Variants in DISP3 observed in about 807,000 individuals in gnomAD.
DISP3 encodes the protein dispatched RND transporter family member 3.
Under a neutral mutation model 135.3 loss-of-function variants are expected in DISP3, and 101 were observed. The ratio of observed to expected loss-of-function variants is 0.75; its 90% CI spans 0.64 to 0.88. DISP3 has a LOEUF of 0.88. DISP3 is among the 40% of genes least tolerant of loss of function. The pLI, the probability that DISP3 is intolerant of heterozygous loss-of-function variation, is 0.00. For synonymous variants in DISP3, 856 were observed against 817.0 expected (o/e 1.05, Z -0.81); for missense variants, 1,713 against 1,878.6 (o/e 0.91, Z 1.63).
Position 11,501,858 on chromosome 1 carries a change from T to C in DISP3, c.866T>C (p.Ile289Thr). The part of the protein sequence containing the change: ...FLARGDAERN[I>T]FTSERLVTIH... ...GCGCGCGGCGACGCGGAGCGCAACA[T>C]TTTCACCAGTGAGCGCCTGGTCACG... The change falls in exon 2 of 21, where the codon ATT becomes ACT. Residue 289 changes from isoleucine (I) to threonine (T), a missense_variant. Coordinates refer to ENST00000294484, the MANE Select transcript of DISP3 (RefSeq NM_020780.2). This position sits in a 1 kb window ranked among gnomAD's most constrained non-coding sequence, Gnocchi z 4.9. 1 of 1,612,824 alleles carries C rather than the reference T, an allele frequency of 6.2e-7. No homozygotes were observed. The highest frequency in any genetic ancestry group is 8.5e-7 in the Non-Finnish European group (1 of 1,179,556).
rs140072373 is a variant in DISP3, at chr1:11,534,536, C to A, written c.3531C>A (p.Ile1177=). Residue 1177 remains isoleucine (I), a synonymous_variant, in exon 18 of 21, where the codon ATC becomes ATA. Coordinates refer to ENST00000294484, the MANE Select transcript of DISP3 (RefSeq NM_020780.2). ...CEHWKQIFME[I]VGVQSALCGL... ...ACTGGAAGCAGATATTCATGGAAAT[C>A]GTAGGCAAGCGGCAGCCTCGCCCCT... 21 of 1,603,470 alleles carry A rather than the reference C, an allele frequency of 1.3e-5. No individual in the cohort carries two copies. The highest frequency in any genetic ancestry group is 2.6e-6 in the Non-Finnish European group (3 of 1,173,584).
Position 11,531,090 on chromosome 1 carries a change from C to A in DISP3, c.3229+57C>A. ...AGGGAGGATGGACTGACTGGGGAGG[C>A]ACAGAGGCCGTGGTCCAAGGTAGAC... On this transcript the variant is annotated intron_variant, in intron 16 of 20. Transcript: ENST00000294484. The surrounding 1 kb of genome is among the most constrained non-coding windows in gnomAD (Gnocchi z 5.2). 4 of 1,602,690 alleles carry A rather than the reference C, an allele frequency of 2.5e-6. No individual in the cohort carries two copies. Among genetic ancestry groups the A allele is most frequent in the Middle Eastern group, 3.7e-4 (2 of 5,388 alleles).
intron 1 of DISP3, among the ~76,000 whole-genome samples, chr1:11,495,485 GC>G: frequency 6.6e-6 from 1 of 152,302 alleles, no homozygotes. Context: ...GTTTCCTGGG[GC>G]TGCCAAAAAC....
chr1:11,534,862 C>A, intron 18 of DISP3, 149 bp from the exon 19 acceptor site: 1 of 845,392 alleles, frequency 1.2e-6, no homozygotes, highest in Non-Finnish European at 1.9e-6. Flanking sequence ...TCTTCAACTC[C>A]AAACAAGGCC....
intron 2 of DISP3, 50 bp downstream of exon 2, chr1:11,502,138 CT>C: frequency 6.6e-7 from 1 of 1,512,076 alleles, no homozygotes; most frequent in Non-Finnish European, 8.8e-7. Context: ...TTTCATACAG[CT>C]CTTTATGGAG....
Position 11,519,505 on chromosome 1 carries a change from T to C in DISP3, c.2038+2T>C. The C allele has an allele frequency of 6.2e-7, 1 of 1,613,294 alleles. No homozygotes were observed. Among genetic ancestry groups the C allele is most frequent in the Non-Finnish European group, 8.5e-7 (1 of 1,179,940 alleles). On this transcript the variant is annotated splice_donor_variant, in intron 8 of 20. Transcript: ENST00000294484. LOFTEE classifies it high-confidence loss of function. The surrounding 1 kb of genome is among the most constrained non-coding windows in gnomAD (Gnocchi z 4.3). ...TGCTGGAGGTCGAGGAAGAGCCAGG[T>C]GAGAGCTGGCACAGGCCTGCCCTAC...
At chr1:11,502,613 C>A in intron 2 of DISP3, 65 bp from the exon 3 acceptor site, 1 of 1,344,064 alleles carries the variant, frequency 7.4e-7, no homozygotes, top group Non-Finnish European at 1.0e-6. Context: ...ACTGGATGAC[C>A]TTGAGGGAGG....
chr1:11,509,781 G>A (rs1032550540), intron 3 of DISP3, among the ~76,000 whole-genome samples: 5 of 152,056 alleles, frequency 3.3e-5, no homozygotes, highest in African/African-American at 1.2e-4. Context: ...TATATTTAAA[G>A]TGGGTTTCTT....
chr1:11,535,200 G>T lies in DISP3; in HGVS notation c.3649+76G>T. 8 of 1,349,516 alleles carry T rather than the reference G, an allele frequency of 5.9e-6. No homozygotes were observed. In the South Asian group the frequency reaches 9.1e-5, roughly 15 times the overall value. 83.6% of individuals were successfully genotyped at this position (1,349,516 alleles called of 1,614,324 possible). On this transcript the variant is annotated intron_variant, in intron 19 of 20. Coordinates refer to ENST00000294484, the MANE Select transcript of DISP3 (RefSeq NM_020780.2). ...ACAGTCTCCCCGGTGGCCCCAGGTAGCCTCCAGGCCTCTGAACCTTTCACT... is the reference window on the plus strand; with the variant it reads ...ACAGTCTCCCCGGTGGCCCCAGGTATCCTCCAGGCCTCTGAACCTTTCACT...
chr1:11,502,355 G>T (rs75417796), intron 2 of DISP3, among the ~76,000 whole-genome samples: 1 of 152,212 alleles, frequency 6.6e-6, no homozygotes, highest in Admixed American at 6.5e-5. Flanking sequence ...AAATCGTGGG[G>T]TGGGCCTCGG....
At position 11,529,922 on chromosome 1, in the gene DISP3, G is replaced by A. The variant is rs200940112; in HGVS notation, c.3065G>A (p.Arg1022His). The stretch of plus-strand genomic sequence containing the variant: ...GTCTTCGGCATTATTGGCGTCAACC[G>A]CACTCGGCAGGTGGACAACCACGTC... ...FVVFGIIGVN[R>H]TRQVDNHVIG... The change falls in exon 15 of 21, where the codon CGC (arginine) becomes CAC (histidine). Residue 1022 changes from arginine (R) to histidine (H), a missense_variant. Coordinates refer to ENST00000294484, the MANE Select transcript of DISP3 (RefSeq NM_020780.2). The surrounding 1 kb of genome is among the most constrained non-coding windows in gnomAD (Gnocchi z 4.7). 1.5e-4 allele frequency: 249 copies of A among 1,613,720 alleles called. No homozygotes were observed. In the African/African-American group the frequency reaches 2.5e-3, roughly 16 times the overall value.
chr1:11,482,413 A>C (rs1256641907), intron 1 of DISP3, among the ~76,000 whole-genome samples: 3 of 152,208 alleles, frequency 2.0e-5, no homozygotes, highest in Non-Finnish European at 4.4e-5. Flanking sequence ...CCATGTGGCT[A>C]AGCAGCCTCT....
chr1:11,492,941 G>A (rs1212895847), intron 1 of DISP3, among the ~76,000 whole-genome samples: 1 of 152,130 alleles, frequency 6.6e-6, no homozygotes, highest in African/African-American at 2.4e-5. Flanking sequence ...ACTCTGGGAG[G>A]GCCCTAGGAT....
rs1474857951 is a variant in DISP3, at chr1:11,515,425, T to C, written c.1510T>C (p.Phe504Leu). The change falls in exon 5 of 21, where the codon TTC becomes CTC. Residue 504 changes from phenylalanine (F) to leucine (L), a missense_variant. Around this residue, in one of 2 missense-constraint regions of DISP3, gnomAD observed 1,142 missense variants for 1,384.6 expected, o/e 0.82. Transcript: ENST00000294484. ...TGGTCTCAGCTGCCTGGTGGCCCTC[T>C]TCCTGTACCACGTGGTCTTTGGTAT... ...SIGLSCLVAL[F>L]LYHVVFGIQY... 1 of 1,614,206 alleles carries C rather than the reference T, an allele frequency of 6.2e-7. No homozygotes were observed. The highest frequency in any genetic ancestry group is 8.5e-7 in the Non-Finnish European group (1 of 1,179,988).
intron 3 of DISP3, among the ~76,000 whole-genome samples, chr1:11,509,557 T>A (rs986832389): frequency 6.6e-6 from 1 of 152,238 alleles, no homozygotes; most frequent in Non-Finnish European, 1.5e-5. Flanking sequence ...AGTTTTTACT[T>A]CATGTATTTT....
intron 17 of DISP3, chr1:11,533,935 G>A: frequency 1.4e-6 from 1 of 703,260 alleles, no homozygotes; most frequent in South Asian, 1.5e-5. Context: ...CCACCTGCCA[G>A]GGCCAGGCAG....
In DISP3 at chr1:11,483,996, G is replaced by A. The variant is rs894330885; in HGVS notation, c.-4+4624G>A. On this transcript the variant is annotated intron_variant, in intron 1 of 20. Coordinates refer to ENST00000294484, the MANE Select transcript of DISP3 (RefSeq NM_020780.2). The surrounding 1 kb of genome is among the most constrained non-coding windows in gnomAD (Gnocchi z 5.4). Reference sequence around the variant, plus strand: ...CCGGACTGGCTTCCTTGGGTGTGTGGGAATTGTCCAAACCACACCAGGGAA... The same window carrying A: ...CCGGACTGGCTTCCTTGGGTGTGTGAGAATTGTCCAAACCACACCAGGGAA... Among the ~76,000 whole-genome samples the A allele has an allele frequency of 6.6e-6, 1 of 152,174 alleles. No homozygotes were observed. Among genetic ancestry groups the A allele is most frequent in the African/African-American group, 2.4e-5 (1 of 41,436 alleles).
chr1:11,488,306 G>A (rs532431542), intron 1 of DISP3, among the ~76,000 whole-genome samples: 1 of 152,304 alleles, frequency 6.6e-6, no homozygotes, highest in South Asian at 2.1e-4. Flanking sequence ...TGGAGGGGGT[G>A]CTGAGGCTGA....
At chr1:11,512,901 A>G (rs1480178685) in intron 3 of DISP3, among the ~76,000 whole-genome samples, 3 of 152,160 alleles carry the variant, frequency 2.0e-5, no homozygotes, top group Non-Finnish European at 2.9e-5. Context: ...GGACGGCAGG[A>G]GAAAATGAGG....
Sources: gnomAD v4.1 joint callset for allele counts (sites outside exome capture counted in the v4.1 genomes callset) on GRCh38, gnomAD v4.1.1 for gene constraint, gnomAD v4.1.1 regional missense constraint, Gnocchi (gnomAD v3.1) non-coding constraint, MANE v1.5 for transcripts, NCBI Gene and HGNC (gene_info 2026-07-23, HGNC 2026-07-21) for gene names.